The following CTNNA2 variants were observed in gnomAD, a reference collection of about 807,000 sequenced individuals.
CTNNA2 encodes catenin alpha 2, also known as catenin alpha-2.
Under a neutral mutation model 101.0 loss-of-function variants are expected in CTNNA2, and 42 were observed. That is an observed-to-expected ratio of 0.42 (90% CI 0.32 to 0.54). CTNNA2 has a LOEUF of 0.54. CTNNA2 is among the 20% of genes least tolerant of loss of function. The probability of loss-of-function intolerance (pLI) is 0.14; values close to 1 mark genes in which losing one functional copy is unlikely to be tolerated. For synonymous variants in CTNNA2, 450 were observed against 456.4 expected, an observed-to-expected ratio of 0.99 and a Z score of 0.18; for missense variants, 871 against 1,223.1, an observed-to-expected ratio of 0.71 and a Z score of 4.29.
At chr2:80,075,621 TAAATATTTATACATG>T (rs1698655077) in intron 7 of CTNNA2, among the ~76,000 whole-genome samples, 7 of 63,042 alleles carry the variant, frequency 1.1e-4, no homozygotes, top group South Asian at 4.0e-4. Context: ...TGTATAAATA[TAAATATTTATACATG>T]TATAAATATT....
At chr2:80,363,677 A>G (rs1484195734) in intron 7 of CTNNA2, among the ~76,000 whole-genome samples, 9 of 152,170 alleles carry the variant, frequency 5.9e-5, no homozygotes, top group African/African-American at 2.2e-4. Flanking sequence ...GGTAGCAGGT[A>G]TACACACCAA....
intron 7 of CTNNA2, chr2:80,162,633 T>A (rs1704401058): frequency 3.1e-6 from 5 of 1,611,952 alleles, no homozygotes; most frequent in Non-Finnish European, 4.2e-6. Context: ...TAGGTAGGGA[T>A]GAGAATTCAT....
intron 7 of CTNNA2, among the ~76,000 whole-genome samples, chr2:80,315,038 G>A (rs1442086901): frequency 2.0e-5 from 3 of 152,202 alleles, no homozygotes; most frequent in African/African-American, 7.2e-5. Flanking sequence ...AAGGAAAAAT[G>A]AGTTGAATTA....
chr2:79,598,319 A>G (rs747892454), intron 1 of CTNNA2, among the ~76,000 whole-genome samples: 2 of 152,248 alleles, frequency 1.3e-5, no homozygotes, highest in Non-Finnish European at 2.9e-5. Flanking sequence ...TCATTTGAGT[A>G]AACACCACAG....
intron 9 of CTNNA2, among the ~76,000 whole-genome samples, chr2:80,504,837 A>C (rs1688144510): frequency 6.6e-6 from 1 of 152,204 alleles, no homozygotes; most frequent in South Asian, 2.1e-4. Context: ...CTCACCTTTC[A>C]AGAACCACCT....
At chr2:79,403,467 C>G (rs931828855) in intron 4 of CTNNA2, among the ~76,000 whole-genome samples, 2 of 151,916 alleles carry the variant, frequency 1.3e-5, no homozygotes, top group East Asian at 3.9e-4. Context: ...TACTCCCTAG[C>G]CAGATGGCTG....
chr2:80,125,860 A>G (rs773673633), intron 7 of CTNNA2, among the ~76,000 whole-genome samples: 3 of 152,226 alleles, frequency 2.0e-5, no homozygotes, highest in Non-Finnish European at 2.9e-5. Flanking sequence ...ACACAGGCCA[A>G]TAATACCCCA....
intron 7 of CTNNA2, among the ~76,000 whole-genome samples, chr2:80,287,479 T>C (rs1674869158): frequency 6.6e-6 from 1 of 152,170 alleles, no homozygotes; most frequent in Non-Finnish European, 1.5e-5. Context: ...ATGGACTCCA[T>C]TGGTAATAGA....
chr2:80,103,100 G>A (rs370375977), intron 7 of CTNNA2, among the ~76,000 whole-genome samples: 1 of 152,122 alleles, frequency 6.6e-6, no homozygotes, highest in East Asian at 1.9e-4. Flanking sequence ...CATATACTGA[G>A]TTTCCTGTCC....
At chr2:79,911,819 C>A (rs964324674) in intron 7 of CTNNA2, among the ~76,000 whole-genome samples, 1 of 152,314 alleles carries the variant, frequency 6.6e-6, no homozygotes, top group Admixed American at 6.5e-5. Context: ...AGTTGGACTT[C>A]ACACTTGTTT....
chr2:79,356,546 C>T (rs1677513035), intron 3 of CTNNA2, among the ~76,000 whole-genome samples: 1 of 152,158 alleles, frequency 6.6e-6, no homozygotes, highest in Non-Finnish European at 1.5e-5. Context: ...GTTTTGCTTT[C>T]TTGCTACTCT....
chr2:79,575,256 G>A (rs909089761), intron 1 of CTNNA2, among the ~76,000 whole-genome samples: 1 of 152,050 alleles, frequency 6.6e-6, no homozygotes, highest in Non-Finnish European at 1.5e-5. Context: ...CTGGTTATAG[G>A]GATTCCTCAT....
intron 2 of CTNNA2, among the ~76,000 whole-genome samples, chr2:79,676,729 G>A (rs1389762784): frequency 2.6e-5 from 4 of 152,096 alleles, no homozygotes; most frequent in Non-Finnish European, 4.4e-5. Context: ...AAACATTTGA[G>A]GAAAGTGTAC....
At chr2:80,268,298 C>T (rs1573554647) in intron 7 of CTNNA2, among the ~76,000 whole-genome samples, 1 of 152,166 alleles carries the variant, frequency 6.6e-6, no homozygotes, top group East Asian at 1.9e-4. Flanking sequence ...CTAAAGAGGT[C>T]TCTGCTTCCT....
intron 2 of CTNNA2, among the ~76,000 whole-genome samples, chr2:79,287,104 C>T (rs1302062495): frequency 6.6e-6 from 1 of 152,194 alleles, no homozygotes; most frequent in African/African-American, 2.4e-5. Flanking sequence ...TTTTCAGCTC[C>T]ATCAGCTCCT....
intron 3 of CTNNA2, among the ~76,000 whole-genome samples, chr2:79,321,172 G>A (rs1676614495): frequency 6.6e-6 from 1 of 152,174 alleles, no homozygotes; most frequent in Non-Finnish European, 1.5e-5. Context: ...TTTTGAGTTA[G>A]ATGTTAATGA....
intron 7 of CTNNA2, among the ~76,000 whole-genome samples, chr2:80,057,173 TTG>T (rs1254292599): frequency 8.5e-5 from 11 of 128,820 alleles, no homozygotes; most frequent in African/African-American, 1.2e-4. Context: ...AGTATATAAG[TTG>T]TTTTTTTTTT....
At position 80,338,149 on chromosome 2, in the gene CTNNA2, C is replaced by A. The variant is rs532660453; in HGVS notation, c.1057-55062C>A. Among the ~76,000 whole-genome samples the A allele has an allele frequency of 2.6e-5, 4 of 151,996 alleles. No individual in the cohort carries two copies. The East Asian group carries it at 5.8e-4, about 22-fold the overall frequency. On this transcript the variant is annotated intron_variant, in intron 7 of 18. Coordinates refer to ENST00000402739, the MANE Select transcript of CTNNA2 (RefSeq NM_001282597.3). ...GACTACAGGTATGTGCCACCACGCCCGGCTAATTTTTATATTTGTGGTAGA... is the reference window on the plus strand; with the variant it reads ...GACTACAGGTATGTGCCACCACGCCAGGCTAATTTTTATATTTGTGGTAGA...
chr2:79,985,845 A>G (rs1176901028), intron 7 of CTNNA2, among the ~76,000 whole-genome samples: 1 of 152,120 alleles, frequency 6.6e-6, no homozygotes, highest in Non-Finnish European at 1.5e-5. Context: ...CAACTGCCAG[A>G]TATCATACCA....
Sources: gnomAD v4.1 joint callset for allele counts (sites outside exome capture counted in the v4.1 genomes callset) on GRCh38, gnomAD v4.1.1 for gene constraint, MANE v1.5 for transcripts, NCBI Gene and HGNC (gene_info 2026-07-23, HGNC 2026-07-21) for gene names.